LRFN5: variants seen among roughly 807,000 people sequenced by gnomAD.
LRFN5 encodes leucine-rich repeat and fibronectin type-III domain-containing protein 5.
A neutral mutation model predicts 45.6 loss-of-function variants in LRFN5; 24 were observed. The ratio of observed to expected loss-of-function variants is 0.53; its 90% CI spans 0.38 to 0.74. LRFN5 has a LOEUF of 0.74. Among genes scored for constraint, LRFN5 ranks in the 30% least tolerant of loss-of-function variants. The pLI, the probability that LRFN5 is intolerant of heterozygous loss-of-function variation, is 0.00. For missense variants in LRFN5, 776 were observed against 861.5 expected, an observed-to-expected ratio of 0.90 and a Z score of 1.24; for synonymous variants, 340 against 313.8, an observed-to-expected ratio of 1.08 and a Z score of -0.88.
Position 41,891,368 on chromosome 14 carries a change from G to A in LRFN5, c.1504G>A (p.Val502Ile), listed in dbSNP as rs746656262. 2 of 1,614,150 alleles carry A rather than the reference G, an allele frequency of 1.2e-6. No homozygotes were observed. Among genetic ancestry groups the A allele is most frequent in the East Asian group, 4.5e-5 (2 of 44,866 alleles). The stretch of plus-strand genomic sequence containing the variant: ...CATCACTTCCCTCACTGCCACAAGA[G>A]TCGTGGGTTGCATCCAGTTTACTAC... ...DGITSLTATRVVGCIQFTTEQ... is the reference protein window; with the variant it reads ...DGITSLTATRIVGCIQFTTEQ... The change falls in exon 4 of 6, where the codon GTC becomes ATC. Residue 502 changes from valine to isoleucine, a missense_variant. Coordinates refer to ENST00000298119, the MANE Select transcript of LRFN5 (RefSeq NM_152447.5).
At chr14:41,750,588 A>G (rs1885089840) in intron 1 of LRFN5, among the ~76,000 whole-genome samples, 1 of 152,158 alleles carries the variant, frequency 6.6e-6, no homozygotes, top group Non-Finnish European at 1.5e-5. Flanking sequence ...TTGTGATCTC[A>G]GTTACCACTT....
At chr14:41,735,256 TTA>T (rs1555358791) in intron 1 of LRFN5, among the ~76,000 whole-genome samples, 1 of 113,224 alleles carries the variant, frequency 8.8e-6, no homozygotes, top group African/African-American at 4.2e-5. Flanking sequence ...CCATTCACCT[TTA>T]TTTTTATTTT....
intron 1 of LRFN5, among the ~76,000 whole-genome samples, chr14:41,627,664 A>G (rs545586977): frequency 2.0e-5 from 3 of 152,272 alleles, no homozygotes; most frequent in Admixed American, 2.0e-4. Context: ...AATCGACAAC[A>G]TGGTCGAATA....
chr14:41,897,331 T>A (rs941117188), intron 4 of LRFN5, among the ~76,000 whole-genome samples: 8 of 151,930 alleles, frequency 5.3e-5, no homozygotes, highest in African/African-American at 1.9e-4. Context: ...AAATAATCAC[T>A]GATTTCTCTG....
chr14:41,902,134 A>AT (rs967100421), intron 5 of LRFN5, among the ~76,000 whole-genome samples: 15 of 151,558 alleles, frequency 9.9e-5, no homozygotes, highest in Non-Finnish European at 1.5e-4. Flanking sequence ...TAATGTCAGG[A>AT]TTTTTTTTCT....
chr14:41,764,276 G>C lies in LRFN5; in HGVS notation c.-196-2578G>C, dbSNP rs1416406388. On this transcript the variant is annotated intron_variant, in intron 1 of 5. Transcript: ENST00000298119. The stretch of plus-strand genomic sequence containing the variant: ...TATTTACCTATATGAGCTTGCCCAA[G>C]GTTAGTTGACCTTTCTCTGTCCTTG... Among the ~76,000 whole-genome samples the C allele has an allele frequency of 2.6e-5, 4 of 152,062 alleles. 1 individual carries two copies. Among genetic ancestry groups the C allele is most frequent in the African/African-American group, 7.2e-5 (3 of 41,410 alleles).
At chr14:41,694,287 TTCTA>T (rs934754913) in intron 1 of LRFN5, among the ~76,000 whole-genome samples, 2 of 151,974 alleles carry the variant, frequency 1.3e-5, no homozygotes, top group African/African-American at 4.8e-5. Flanking sequence ...AACTTATTCC[TTCTA>T]TCTAGCTGAA....
chr14:41,690,645 T>G (rs1292596729), intron 1 of LRFN5, among the ~76,000 whole-genome samples: 2 of 152,196 alleles, frequency 1.3e-5, no homozygotes, highest in Non-Finnish European at 1.5e-5. Context: ...TTTGCTTAAC[T>G]TAATAAAGGA....
chr14:41,704,115 A>C (rs1056981187), intron 1 of LRFN5, among the ~76,000 whole-genome samples: 3 of 152,166 alleles, frequency 2.0e-5, no homozygotes, highest in African/African-American at 7.2e-5. Context: ...TGTGTGGGCT[A>C]ACAGTGGCCA....
chr14:41,771,803 ATCTCCAAAG>A (rs1480167647), intron 2 of LRFN5, among the ~76,000 whole-genome samples: 1 of 152,108 alleles, frequency 6.6e-6, no homozygotes, highest in Non-Finnish European at 1.5e-5. Flanking sequence ...GTCTTCTGAG[ATCTCCAAAG>A]TCTCCCAAAC....
chr14:41,717,079 A>G (rs1227381200), intron 1 of LRFN5, among the ~76,000 whole-genome samples: 1 of 152,184 alleles, frequency 6.6e-6, no homozygotes, highest in Admixed American at 6.5e-5. Flanking sequence ...CATGATAGCA[A>G]TGGTCATTTT....
At chr14:41,695,794 A>G (rs981007570) in intron 1 of LRFN5, among the ~76,000 whole-genome samples, 2 of 151,996 alleles carry the variant, frequency 1.3e-5, no homozygotes, top group Non-Finnish European at 2.9e-5. Flanking sequence ...TCTGATAGAG[A>G]TGTACGAGGA....
chr14:41,705,131 TTAAC>T (rs1883010649), intron 1 of LRFN5, among the ~76,000 whole-genome samples: 1 of 152,038 alleles, frequency 6.6e-6, no homozygotes, highest in African/African-American at 2.4e-5. Context: ...TTCATATAAA[TTAAC>T]TAATATAATT....
chr14:41,785,568 T>C (rs1594707387), intron 2 of LRFN5, among the ~76,000 whole-genome samples: 1 of 152,102 alleles, frequency 6.6e-6, no homozygotes, highest in South Asian at 2.1e-4. Context: ...TCGTGGAAGG[T>C]GATTTTTCCA....
chr14:41,690,233 A>G (rs1882317419), intron 1 of LRFN5, among the ~76,000 whole-genome samples: 2 of 152,292 alleles, frequency 1.3e-5, no homozygotes, highest in South Asian at 4.1e-4. Flanking sequence ...GGCCATCTCA[A>G]TAAATACAAA....
chr14:41,887,871 T>C lies in LRFN5; in HGVS notation c.1246T>C (p.Leu416=), dbSNP rs766549962. The C allele has an allele frequency of 6.2e-7, 1 of 1,614,088 alleles. No homozygotes were observed. The highest frequency in any genetic ancestry group is 1.1e-5 in the South Asian group (1 of 91,070). ...NTSSSNGDTK[L]SQDKIVVAEA... The stretch of plus-strand genomic sequence containing the variant: ...AAGCAGTAGTAATGGTGATACTAAA[T>C]TGAGTCAAGATAAAATTGTGGTGGC... Residue 416 remains leucine, a synonymous_variant, in exon 3 of 6, where the codon TTG becomes CTG. Transcript: ENST00000298119. The surrounding 1 kb of genome is among the most constrained non-coding windows in gnomAD (Gnocchi z 4.8).
chr14:41,816,231 C>A (rs2139002341), intron 2 of LRFN5, among the ~76,000 whole-genome samples: 1 of 152,052 alleles, frequency 6.6e-6, no homozygotes, highest in East Asian at 1.9e-4. Context: ...CTGTTCCTTA[C>A]ATCATTGCTG....
chr14:41,657,340 G>A (rs1179820517), intron 1 of LRFN5, among the ~76,000 whole-genome samples: 3 of 151,852 alleles, frequency 2.0e-5, no homozygotes, highest in African/African-American at 4.8e-5. Flanking sequence ...TTCTTAGTAA[G>A]AGTCTGGAGG....
At chr14:41,817,926 C>G (rs1887977060) in intron 2 of LRFN5, among the ~76,000 whole-genome samples, 1 of 152,002 alleles carries the variant, frequency 6.6e-6, no homozygotes, top group South Asian at 2.1e-4. Context: ...GGTTTCTGCT[C>G]TAGCAAGCTG....
Sources: allele counts gnomAD v4.1 joint callset (sites outside exome capture counted in the v4.1 genomes callset), GRCh38; gene constraint gnomAD v4.1.1; non-coding constraint Gnocchi (gnomAD v3.1); transcripts MANE v1.5; gene names NCBI Gene and HGNC (gene_info 2026-07-23, HGNC 2026-07-21).